SOX5: variants seen among roughly 807,000 people sequenced by gnomAD.
The protein encoded by SOX5 is transcription factor SOX-5.
A neutral mutation model predicts 92.0 loss-of-function variants in SOX5; 9 were observed. That is an observed-to-expected ratio of 0.10 (90% CI 0.06 to 0.17). The LOEUF is 0.17. Among genes scored for constraint, SOX5 ranks in the 10% least tolerant of loss-of-function variants. The pLI is 1.00. For synonymous variants in SOX5, 344 were observed against 336.3 expected, an observed-to-expected ratio of 1.02 and a Z score of -0.25; for missense variants, 642 against 944.5, an observed-to-expected ratio of 0.68 and a Z score of 4.20.
intron 3 of SOX5, among the ~76,000 whole-genome samples, chr12:24,245,688 G>A (rs1048782070): frequency 3.3e-5 from 5 of 152,066 alleles, no homozygotes; most frequent in African/African-American, 7.2e-5. Flanking sequence ...ATTGGTTTAC[G>A]TGAAAATTAG....
At chr12:24,108,206 C>T (rs139731477) in intron 4 of SOX5, among the ~76,000 whole-genome samples, 8 of 152,076 alleles carry the variant, frequency 5.3e-5, no homozygotes, top group Admixed American at 4.6e-4. Context: ...CCCTAATTGT[C>T]GAATAATTTC....
chr12:23,970,230 C>CT (rs58753796), intron 4 of SOX5, among the ~76,000 whole-genome samples: 70,238 of 149,372 alleles, frequency 0.47, 16,945 homozygotes, highest in African/African-American at 0.57. Flanking sequence ...CAGCTGACTT[C>CT]TTTTTTTTTT....
chr12:23,881,198 G>C (rs1376850483), intron 2 of SOX5, among the ~76,000 whole-genome samples: 1 of 152,116 alleles, frequency 6.6e-6, no homozygotes, highest in Non-Finnish European at 1.5e-5. Flanking sequence ...TCAGCTCCTG[G>C]AGGCTGTAAA....
rs71063321 is a variant in SOX5, at chr12:24,401,708, TAAAAAAA to T, written c.-250-33076_-250-33070del. 5.6e-3 allele frequency among the ~76,000 whole-genome samples: 558 copies of T among 99,450 alleles called. 11 individuals are homozygous for T. Among genetic ancestry groups the T allele is most frequent in the East Asian group, 0.035 (122 of 3,516 alleles). 65.2% of individuals were successfully genotyped at this position (99,450 alleles called of 152,430 possible). Reference sequence around the variant, plus strand: ...GGATGACAGAGCCAGACCCTATCTTTAAAAAAAAAAAAAAAAAAAAAAAAAAAAATTG... The same window carrying T: ...GGATGACAGAGCCAGACCCTATCTTTAAAAAAAAAAAAAAAAAAAAAATTG... On this transcript the variant is annotated intron_variant, in intron 1 of 4. Transcript: ENST00000446891.
At chr12:24,256,036 C>A (rs564542251) in intron 3 of SOX5, among the ~76,000 whole-genome samples, 1 of 152,216 alleles carries the variant, frequency 6.6e-6, no homozygotes, top group Non-Finnish European at 1.5e-5. Context: ...TCTTGGTTAC[C>A]TAAAGAAGGA....
intron 4 of SOX5, among the ~76,000 whole-genome samples, chr12:23,970,046 G>A (rs748775721): frequency 2.0e-5 from 3 of 152,126 alleles, no homozygotes; most frequent in Non-Finnish European, 2.9e-5. Flanking sequence ...GCATGTCAGC[G>A]TGCACAAGTA....
chr12:23,897,966 C>T (rs1249601801), intron 1 of SOX5, among the ~76,000 whole-genome samples: 2 of 152,100 alleles, frequency 1.3e-5, no homozygotes, highest in African/African-American at 2.4e-5. Flanking sequence ...TATGGAGAAG[C>T]ATGTGAGGAG....
intron 2 of SOX5, among the ~76,000 whole-genome samples, chr12:23,891,322 G>T (rs1026917581): frequency 1.3e-5 from 2 of 152,172 alleles, no homozygotes; most frequent in Admixed American, 1.3e-4. Context: ...CGTAACATTT[G>T]CATAACCTGA....
intron 4 of SOX5, among the ~76,000 whole-genome samples, chr12:24,061,759 A>AAAAC (rs1939760401): frequency 6.8e-6 from 1 of 147,710 alleles, no homozygotes. Flanking sequence ...AAAAAAAAAA[A>AAAAC]AAAACCTTTC....
intron 1 of SOX5, among the ~76,000 whole-genome samples, chr12:24,538,246 C>G (rs1951812923): frequency 6.6e-6 from 1 of 152,090 alleles, no homozygotes; most frequent in South Asian, 2.1e-4. Context: ...CATGCTAATC[C>G]CAGCTTGGGT....
At chr12:23,561,409 G>C (rs1323735683) in intron 11 of SOX5, among the ~76,000 whole-genome samples, 1 of 152,302 alleles carries the variant, frequency 6.6e-6, no homozygotes, top group Non-Finnish European at 1.5e-5. Flanking sequence ...CAGAGTCACT[G>C]AAGCCAGCAT....
At chr12:23,920,096 C>A (rs1397329706) in intron 1 of SOX5, 1 of 152,096 alleles carries the variant, frequency 6.6e-6, no homozygotes, top group Non-Finnish European at 1.5e-5. Context: ...GCCTAAAAGT[C>A]TACTCACTTA....
intron 9 of SOX5, among the ~76,000 whole-genome samples, chr12:23,602,526 T>A (rs2074643917): frequency 6.6e-6 from 1 of 152,028 alleles, no homozygotes; most frequent in Admixed American, 6.6e-5. Context: ...GTATCAATGA[T>A]AAAAAGTGAA....
chr12:23,675,100 A>G (rs765680014), intron 6 of SOX5, among the ~76,000 whole-genome samples: 1 of 152,200 alleles, frequency 6.6e-6, no homozygotes, highest in Non-Finnish European at 1.5e-5. Flanking sequence ...TTTTCATAAA[A>G]AGTATGTGAT....
chr12:23,936,132 T>C (rs916458101), intron 1 of SOX5, among the ~76,000 whole-genome samples: 1 of 151,080 alleles, frequency 6.6e-6, no homozygotes, highest in African/African-American at 2.4e-5. Context: ...TATCTTTATA[T>C]CTATCTCTAT....
At chr12:23,913,807 G>C (rs2097380091) in intron 1 of SOX5, among the ~76,000 whole-genome samples, 1 of 150,558 alleles carries the variant, frequency 6.6e-6, no homozygotes, top group African/African-American at 2.4e-5. Flanking sequence ...TATTTACGTA[G>C]AACAGACAAT....
At chr12:24,482,780 G>A (rs1566275726) in intron 1 of SOX5, among the ~76,000 whole-genome samples, 2 of 152,150 alleles carry the variant, frequency 1.3e-5, no homozygotes. Flanking sequence ...CCACATAAAT[G>A]TGGATTAATG....
intron 8 of SOX5, among the ~76,000 whole-genome samples, chr12:23,610,267 T>C (rs2075787066): frequency 6.6e-6 from 1 of 152,134 alleles, no homozygotes; most frequent in South Asian, 2.1e-4. Flanking sequence ...TGGTAAATTC[T>C]TGCCACTTTT....
intron 1 of SOX5, among the ~76,000 whole-genome samples, chr12:23,933,901 G>C (rs1055411438): frequency 6.6e-5 from 10 of 151,648 alleles, no homozygotes; most frequent in East Asian, 1.9e-4. Context: ...CAGCCTGGAT[G>C]TAACAACTGT....
Sources: gnomAD v4.1 joint callset for allele counts (sites outside exome capture counted in the v4.1 genomes callset) on GRCh38, gnomAD v4.1.1 for gene constraint, MANE v1.5 for transcripts, NCBI Gene and HGNC (gene_info 2026-07-23, HGNC 2026-07-21) for gene names.